Variants in TMEM134 observed in about 807,000 individuals in gnomAD.
The protein encoded by TMEM134 is transmembrane protein 134.
In TMEM134, 36 loss-of-function variants were observed where a neutral mutation model predicts 26.2. The observed-to-expected ratio is 1.37, with a 90% confidence interval of 1.05 to 1.81. The LOEUF is 1.81. Among genes scored for constraint, TMEM134 ranks in the 40% most tolerant of loss-of-function variants. The pLI, the probability that TMEM134 is intolerant of heterozygous loss-of-function variation, is 0.00. For missense variants in TMEM134, 339 were observed against 263.5 expected (o/e 1.29, Z -1.98); for synonymous variants, 133 against 113.6 (o/e 1.17, Z -1.08).
chr11:67,464,725 GC>G, intron 6 of TMEM134, 29 bp from the exon 7 acceptor site: 6 of 1,549,734 alleles, frequency 3.9e-6, no homozygotes, highest in Non-Finnish European at 4.4e-6. Flanking sequence ...CAGCGCAGAA[GC>G]CCCGCCCCTC....
chr11:67,469,122 C>A lies in TMEM134; in HGVS notation c.71G>T (p.Gly24Val), dbSNP rs766695530. The A allele has an allele frequency of 2.0e-6, 3 of 1,501,100 alleles. No individual in the cohort carries two copies. The highest frequency in any genetic ancestry group is 2.7e-6 in the Non-Finnish European group (3 of 1,124,440). 93.0% of individuals were successfully genotyped at this position (1,501,100 alleles called of 1,614,324 possible). ...FELSLEDGGP[G>V]PESSGVARFG... ...GCGCGCGACCCCGCTGGACTCGGGC[C>A]CAGGGCCCCCGTCCTCCAGGGACAG... Residue 24 changes from glycine (G) to valine (V), a missense_variant, in exon 1 of 7, where the codon GGG becomes GTG. By Grantham distance (109) the Gly-to-Val change is moderately radical. Transcript: ENST00000308022.
intron 1 of TMEM134, 74 bp downstream of exon 1, chr11:67,468,945 G>A (rs1337649804): frequency 1.5e-5 from 20 of 1,357,434 alleles, no homozygotes; most frequent in Non-Finnish European, 1.7e-5. Flanking sequence ...GCTTCCCCGA[G>A]TTGAGGCCTT....
chr11:67,464,761 C>T, intron 6 of TMEM134, 42 bp downstream of exon 6: 1 of 1,553,020 alleles, frequency 6.4e-7, no homozygotes, highest in Non-Finnish European at 8.7e-7. Context: ...CCCAGTGCCG[C>T]CCCACAGCCC....
In TMEM134 at chr11:67,468,089, G is replaced by A; in HGVS notation, c.178C>T (p.Leu60=). The change falls in exon 2 of 7, where the codon CTG becomes TTG. Residue 60 remains leucine, a synonymous_variant. Transcript: ENST00000308022. The part of the protein sequence containing the change: ...DKQSRLRYQN[L]ENDEDGAQAS... Reference sequence around the variant, plus strand: ...TGGGCTCCATCCTCATCGTTCTCCAGGTTCTGTTGCAGAACACAGGTCTCA... The same window carrying A: ...TGGGCTCCATCCTCATCGTTCTCCAAGTTCTGTTGCAGAACACAGGTCTCA... The A allele has an allele frequency of 6.4e-7, 1 of 1,562,904 alleles. No homozygotes were observed. Among genetic ancestry groups the A allele is most frequent in the Non-Finnish European group, 8.7e-7 (1 of 1,153,212 alleles).
chr11:67,467,071 G>C lies in TMEM134; in HGVS notation c.406+241C>G, dbSNP rs533245510. ...TAAACAGGTTAAATTTTTTAAAAAA[G>C]GAAAAGTCTTTGCAGTGATAAGCCA... On this transcript the variant is annotated intron_variant, in intron 4 of 6. Coordinates refer to ENST00000308022, the MANE Select transcript of TMEM134 (RefSeq NM_025124.4). The C allele has an allele frequency of 1.4e-5, 8 of 584,384 alleles. No individual in the cohort carries two copies. The Admixed American group carries it at 1.5e-4, about 11-fold the overall frequency. 36.2% of individuals were successfully genotyped at this position (584,384 alleles called of 1,614,324 possible). A position where few individuals can be genotyped will look rare whatever the true frequency, so the allele number is the denominator to read the frequency against.
intron 4 of TMEM134, 43 bp downstream of exon 4, chr11:67,467,269 T>G: frequency 6.3e-7 from 1 of 1,597,466 alleles, no homozygotes; most frequent in South Asian, 1.1e-5. Context: ...GGGCAGAGCC[T>G]CCCACGGGGC....
At position 67,464,668 on chromosome 11, in the gene TMEM134, C is replaced by T. The variant is rs986749990; in HGVS notation, c.534G>A (p.Ala178=). 1.9e-6 allele frequency: 3 copies of T among 1,553,996 alleles called. No homozygotes were observed. The highest frequency in any genetic ancestry group is 8.7e-7 in the Non-Finnish European group (1 of 1,148,200). The change falls in exon 7 of 7, where the codon GCG becomes GCA. Residue 178 remains alanine, a synonymous_variant. Coordinates refer to ENST00000308022, the MANE Select transcript of TMEM134 (RefSeq NM_025124.4). ...GVYHVIFIYC[A]VKGHRGFQFF... Reference sequence around the variant, plus strand: ...ACTGGAAGCCCCGGTGGCCCTTGACCGCGCAGTAGATGAAGATCACGTGAT... The same window carrying T: ...ACTGGAAGCCCCGGTGGCCCTTGACTGCGCAGTAGATGAAGATCACGTGAT...
In TMEM134 at chr11:67,469,011, C is replaced by T; in HGVS notation, c.174+8G>A. 1.3e-6 allele frequency: 2 copies of T among 1,486,746 alleles called. No homozygotes were observed. Among genetic ancestry groups the T allele is most frequent in the East Asian group, 2.9e-5 (1 of 34,458 alleles). The allele number at this position is 1,486,746 out of a possible 1,614,324, so 92.1% of individuals were successfully genotyped here. On this transcript the variant is annotated splice_region_variant and intron_variant, in intron 1 of 6. Transcript: ENST00000308022. Reference sequence around the variant, plus strand: ...GGGGCAGGGGGTTAGGTGGGCCGGGCGGTTCACCTGGTAGCGCAGCCGGGA... The same window carrying T: ...GGGGCAGGGGGTTAGGTGGGCCGGGTGGTTCACCTGGTAGCGCAGCCGGGA...
At chr11:67,464,730 G>GCCCCT (rs1865132175) in intron 6 of TMEM134, 34 bp from the exon 7 acceptor site, 3 of 1,498,876 alleles carry the variant, frequency 2.0e-6, no homozygotes, top group Non-Finnish European at 1.8e-6. Flanking sequence ...CAGAAGCCCC[G>GCCCCT]CCCCTCCCCG....
At chr11:67,465,709 T>G (rs1217833589) in intron 4 of TMEM134, among the ~76,000 whole-genome samples, 1 of 151,956 alleles carries the variant, frequency 6.6e-6, no homozygotes, top group African/African-American at 2.4e-5. Context: ...GAAGATCGCT[T>G]GAGGCCAGGA....
Position 67,468,044 on chromosome 11 carries a change from C to T in TMEM134, c.223G>A (p.Gly75Arg), listed in dbSNP as rs1368360469. The change falls in exon 2 of 7, where the codon GGG (glycine) becomes AGG (arginine). Residue 75 changes from glycine to arginine, a missense_variant. Transcript: ENST00000308022. ...DGAQASPEPDGGVGTRDSSRT... is the reference protein window; with the variant it reads ...DGAQASPEPDRGVGTRDSSRT... ...GGCCCTAACCTGGTGCCGACTCCCCCATCCGGCTCCGGAGAGGCCTGGGCT... is the reference window on the plus strand; with the variant it reads ...GGCCCTAACCTGGTGCCGACTCCCCTATCCGGCTCCGGAGAGGCCTGGGCT... 1.9e-6 allele frequency: 3 copies of T among 1,561,066 alleles called. No homozygotes were observed. The highest frequency in any genetic ancestry group is 1.2e-5 in the South Asian group (1 of 84,842).
chr11:67,464,565 G>A lies in TMEM134; in HGVS notation c.*49C>T. ...CCTTGAGATGAGGGGAACGGAACAGGGCAAGAGGGGCGCCCCCATGGGCGC... is the reference window on the plus strand; with the variant it reads ...CCTTGAGATGAGGGGAACGGAACAGAGCAAGAGGGGCGCCCCCATGGGCGC... On this transcript the variant is annotated 3_prime_UTR_variant, in exon 7 of 7. Transcript: ENST00000308022. 1 of 1,534,488 alleles carries A rather than the reference G, an allele frequency of 6.5e-7. No homozygotes were observed. The highest frequency in any genetic ancestry group is 8.8e-7 in the Non-Finnish European group (1 of 1,131,528).
At chr11:67,468,635 C>T (rs1399516005) in intron 1 of TMEM134, among the ~76,000 whole-genome samples, 1 of 152,078 alleles carries the variant, frequency 6.6e-6, no homozygotes, top group African/African-American at 2.4e-5. Flanking sequence ...TTCCCATCAG[C>T]TTAGCTGGCC....
chr11:67,468,671 G>A (rs933185992), intron 1 of TMEM134, among the ~76,000 whole-genome samples: 25 of 152,318 alleles, frequency 1.6e-4, no homozygotes, highest in African/African-American at 6.0e-4. Context: ...GCTCCTGCGT[G>A]TGGGGCAAGG....
Position 67,465,038 on chromosome 11 carries a change from G to T in TMEM134, c.451+18C>A, listed in dbSNP as rs753122406. On this transcript the variant is annotated intron_variant, in intron 5 of 6. Transcript: ENST00000308022. Reference sequence around the variant, plus strand: ...GACAGGGGTGTCCTCTGCCTGTGGGGGCGGGAGGGTCGCTCACCTGGAGAG... The same window carrying T: ...GACAGGGGTGTCCTCTGCCTGTGGGTGCGGGAGGGTCGCTCACCTGGAGAG... 5.8e-6 allele frequency: 9 copies of T among 1,564,220 alleles called. No individual in the cohort carries two copies. The highest frequency in any genetic ancestry group is 7.8e-6 in the Non-Finnish European group (9 of 1,156,144).
chr11:67,466,999 GAC>G (rs1865295814), intron 4 of TMEM134: 3 of 432,208 alleles, frequency 6.9e-6, no homozygotes, highest in Non-Finnish European at 1.3e-5. Context: ...GCCCAGAGTA[GAC>G]ACAGAATAAA....
chr11:67,465,615 G>A (rs1025129762), intron 4 of TMEM134, among the ~76,000 whole-genome samples: 2 of 152,150 alleles, frequency 1.3e-5, no homozygotes, highest in South Asian at 2.1e-4. Flanking sequence ...ACTGCTTTGT[G>A]CATTGCCCAG....
chr11:67,468,202 G>T, intron 1 of TMEM134, 110 bp from the exon 2 acceptor site: 1 of 994,820 alleles, frequency 1.0e-6, no homozygotes, highest in Non-Finnish European at 1.5e-6. Context: ...CCGCCTGGCA[G>T]CTGTTCACCT....
In TMEM134 at chr11:67,467,402, G is replaced by C; in HGVS notation, c.330-14C>G. 6.2e-7 allele frequency: 1 copy of C among 1,613,874 alleles called. No individual in the cohort carries two copies. The highest frequency in any genetic ancestry group is 8.5e-7 in the Non-Finnish European group (1 of 1,179,902). On this transcript the variant is annotated splice_polypyrimidine_tract_variant and intron_variant, in intron 3 of 6. Transcript: ENST00000308022. ...TGTTGGGTCCAGCTGGGTGGCAGGA[G>C]AGCAGGGTGAATGTGAAGGAGGTGG...
Sources: gnomAD v4.1 joint callset for allele counts (sites outside exome capture counted in the v4.1 genomes callset) on GRCh38, gnomAD v4.1.1 for gene constraint, MANE v1.5 for transcripts, NCBI Gene and HGNC (gene_info 2026-07-23, HGNC 2026-07-21) for gene names.